Variants in SLCO1B3 observed in about 807,000 individuals in gnomAD.
SLCO1B3 encodes solute carrier organic anion transporter family member 1B3, also known as liver-specific organic anion transporter 2.
SLCO1B3 carries 72 observed loss-of-function variants against 71.8 expected under a neutral mutation model. The observed-to-expected ratio is 1.00, with a 90% CI of 0.83 to 1.22. The LOEUF (loss-of-function observed/expected upper bound fraction) is 1.22, where lower values mean the gene tolerates loss of function less well. SLCO1B3 is among the 50% of genes most tolerant of loss of function. The pLI is 0.00. For missense variants in SLCO1B3, 911 were observed against 819.7 expected (o/e 1.11, Z -1.36); for synonymous variants, 298 against 278.4 (o/e 1.07, Z -0.70).
At chr12:20,813,337 ATTTG>A (rs1216635763) in intron 1 of SLCO1B3, among the ~76,000 whole-genome samples, 183 bp from the exon 2 acceptor site, 1 of 152,218 alleles carries the variant, frequency 6.6e-6, no homozygotes, top group Non-Finnish European at 1.5e-5. Flanking sequence ...AAACACTAAA[ATTTG>A]TTTGTGACAC....
At chr12:20,878,410 A>G (rs909845067) in intron 10 of SLCO1B3, among the ~76,000 whole-genome samples, 1 of 152,156 alleles carries the variant, frequency 6.6e-6, no homozygotes, top group African/African-American at 2.4e-5. Context: ...ATTCAAAACA[A>G]ATGTCATATT....
At chr12:20,836,381 G>A (rs546911334) in intron 3 of SLCO1B3, among the ~76,000 whole-genome samples, 1 of 152,254 alleles carries the variant, frequency 6.6e-6, no homozygotes, top group East Asian at 1.9e-4. Flanking sequence ...TATGTTTCGT[G>A]TATTATTGAA....
At chr12:20,902,805 A>C (rs373153883) in intron 15 of SLCO1B3, among the ~76,000 whole-genome samples, 3 of 152,176 alleles carry the variant, frequency 2.0e-5, no homozygotes, top group South Asian at 4.1e-4. Flanking sequence ...GCAGTGGCTC[A>C]CAACTGTAAT....
intron 2 of SLCO1B3, among the ~76,000 whole-genome samples, chr12:20,814,717 T>C (rs904949854): frequency 9.2e-5 from 14 of 152,100 alleles, no homozygotes; most frequent in East Asian, 1.9e-4. Context: ...GGTGAAACCC[T>C]GTCTCTACTA....
At chr12:20,876,608 T>G (rs1865584610) in intron 9 of SLCO1B3, among the ~76,000 whole-genome samples, 1 of 152,114 alleles carries the variant, frequency 6.6e-6, no homozygotes, top group South Asian at 2.1e-4. Flanking sequence ...GCTGCGTTGG[T>G]AGCTTGAAAT....
At chr12:20,834,992 A>G (rs985401636) in intron 3 of SLCO1B3, among the ~76,000 whole-genome samples, 6 of 152,110 alleles carry the variant, frequency 3.9e-5, no homozygotes, top group African/African-American at 1.4e-4. Flanking sequence ...ATTTCTATAC[A>G]TCCTCTGAAA....
intron 13 of SLCO1B3, among the ~76,000 whole-genome samples, chr12:20,895,014 C>A (rs529071538): frequency 6.6e-6 from 1 of 152,148 alleles, no homozygotes; most frequent in African/African-American, 2.4e-5. Context: ...AGGAAAAGTA[C>A]GCATTATAAA....
rs144051552 is a variant in SLCO1B3, at chr12:20,905,003, T to C, written c.1865+3536T>C. 2.3e-3 allele frequency among the ~76,000 whole-genome samples: 349 copies of C among 152,036 alleles called. 10 individuals are homozygous for C. The East Asian group carries it at 0.062, about 27-fold the overall frequency. On this transcript the variant is annotated intron_variant, in intron 15 of 15. Transcript: ENST00000381545. ...TGGCCAGGCTGGTCATCCAGGCATT[T>C]TGATACATACTAGGAATAGGTCCCA...
At chr12:20,870,804 A>G (rs1321562792) in intron 8 of SLCO1B3, among the ~76,000 whole-genome samples, 1 of 152,110 alleles carries the variant, frequency 6.6e-6, no homozygotes, top group African/African-American at 2.4e-5. Flanking sequence ...ATTTGAGGTC[A>G]TTTGTTGGTT....
chr12:20,833,224 GT>G (rs1179833625), intron 3 of SLCO1B3, among the ~76,000 whole-genome samples: 1 of 150,144 alleles, frequency 6.7e-6, no homozygotes, highest in Admixed American at 6.6e-5. Context: ...CAATCTCTTT[GT>G]TTTAAGTCAT....
Position 20,858,453 on chromosome 12 carries a change from A to T in SLCO1B3, c.241A>T (p.Ile81Phe). ...TTTTTTTCTAGGAAATTTGCTTGTG[A>T]TTGTATTTGTAAGTTACTTTGGATC... is the stretch of plus-strand genomic sequence containing the variant. Reference protein sequence around the residue: ...GSFEIGNLLVIVFVSYFGSKL... With the variant: ...GSFEIGNLLVFVFVSYFGSKL... The change falls in exon 5 of 16, where the codon ATT becomes TTT. Residue 81 changes from isoleucine (I) to phenylalanine (F), a missense_variant. Physicochemically the swap from Ile to Phe is conservative, Grantham distance 21 (BLOSUM62 0). Transcript: ENST00000381545. 1 of 1,588,584 alleles carries T rather than the reference A, an allele frequency of 6.3e-7. No individual in the cohort carries two copies. The highest frequency in any genetic ancestry group is 8.6e-7 in the Non-Finnish European group (1 of 1,157,318).
At chr12:20,837,329 A>G (rs965988705) in intron 3 of SLCO1B3, among the ~76,000 whole-genome samples, 5 of 151,750 alleles carry the variant, frequency 3.3e-5, no homozygotes, top group African/African-American at 1.2e-4. Flanking sequence ...TTATGTTTTA[A>G]TTTTTATTAT....
intron 3 of SLCO1B3, among the ~76,000 whole-genome samples, chr12:20,835,185 C>T (rs1194270921): frequency 6.6e-6 from 1 of 152,140 alleles, no homozygotes; most frequent in Non-Finnish European, 1.5e-5. Flanking sequence ...TGAGACTGCA[C>T]ACAGCAGGGG....
chr12:20,821,022 A>C (rs1424659122), intron 3 of SLCO1B3, among the ~76,000 whole-genome samples: 1 of 152,046 alleles, frequency 6.6e-6, no homozygotes, highest in Non-Finnish European at 1.5e-5. Flanking sequence ...GAGGCTGAGG[A>C]AGAATTGGGA....
At chr12:20,882,356 AT>A (rs1865709945) in intron 12 of SLCO1B3, among the ~76,000 whole-genome samples, 1 of 152,166 alleles carries the variant, frequency 6.6e-6, no homozygotes, top group Non-Finnish European at 1.5e-5. Context: ...TTGAAAAAAA[AT>A]AAAAGGAAAA....
intron 9 of SLCO1B3, among the ~76,000 whole-genome samples, chr12:20,876,262 A>G (rs1447199656): frequency 2.0e-5 from 3 of 152,040 alleles, no homozygotes; most frequent in Admixed American, 2.0e-4. Flanking sequence ...TACCATTGAG[A>G]AGCAATAATC....
At chr12:20,813,024 C>T (rs1228782076) in intron 1 of SLCO1B3, among the ~76,000 whole-genome samples, 1 of 151,986 alleles carries the variant, frequency 6.6e-6, no homozygotes, top group Non-Finnish European at 1.5e-5. Context: ...GATTTTTTTC[C>T]TCACTTTACC....
In SLCO1B3 at chr12:20,877,729, A is replaced by G. The variant is rs1397685319; in HGVS notation, c.971-43A>G. 1.3e-5 allele frequency: 11 copies of G among 841,616 alleles called. 1 individual carries two copies. In the East Asian group the frequency reaches 3.9e-4, roughly 29 times the overall value. The allele number at this position is 841,616 out of a possible 1,614,324, so 52.1% of individuals were successfully genotyped here. On this transcript the variant is annotated intron_variant, in intron 9 of 15. Transcript: ENST00000381545. Reference sequence around the variant, plus strand: ...ATATTTACAAAATTCAGATATTAATATATATTTTATTATTGAAATATGTTA... The same window carrying G: ...ATATTTACAAAATTCAGATATTAATGTATATTTTATTATTGAAATATGTTA...
chr12:20,820,363 GTCCGA>G (rs1399815031), intron 3 of SLCO1B3, among the ~76,000 whole-genome samples: 6 of 152,290 alleles, frequency 3.9e-5, no homozygotes, highest in African/African-American at 1.4e-4. Context: ...GAGTTGAACA[GTCCGA>G]TTTCCACTGG....
Sources: gnomAD v4.1 joint callset for allele counts (sites outside exome capture counted in the v4.1 genomes callset) on GRCh38, gnomAD v4.1.1 for gene constraint, MANE v1.5 for transcripts, NCBI Gene and HGNC (gene_info 2026-07-23, HGNC 2026-07-21) for gene names.